The following PPM1E variants were observed in gnomAD, a reference collection of about 807,000 sequenced individuals.
PPM1E encodes the protein protein phosphatase 1E.
A neutral mutation model predicts 65.9 loss-of-function variants in PPM1E; 20 were observed. That is an observed-to-expected ratio of 0.30 (90% confidence interval 0.21 to 0.44). PPM1E has a LOEUF of 0.44. Ranked by LOEUF, PPM1E falls within the 20% of genes least tolerant of loss-of-function variation. PPM1E has a pLI of 1.00. For synonymous variants in PPM1E, 352 were observed against 374.9 expected, an observed-to-expected ratio of 0.94 and a Z score of 0.70; for missense variants, 713 against 953.1, an observed-to-expected ratio of 0.75 and a Z score of 3.32.
At chr17:58,914,368 G>C (rs1157880004) in intron 1 of PPM1E, among the ~76,000 whole-genome samples, 1 of 152,020 alleles carries the variant, frequency 6.6e-6, no homozygotes, top group Admixed American at 6.6e-5. Context: ...ATTGCATCAC[G>C]TTTATTTATT....
chr17:58,774,169 C>G (rs796802426), intron 1 of PPM1E, among the ~76,000 whole-genome samples: 14 of 151,038 alleles, frequency 9.3e-5, no homozygotes, highest in South Asian at 2.1e-4. Context: ...TCCCCCCCCC[C>G]CAAAAAAAAC....
intron 1 of PPM1E, among the ~76,000 whole-genome samples, chr17:58,791,181 C>G (rs572456734): frequency 6.6e-6 from 1 of 152,244 alleles, no homozygotes; most frequent in East Asian, 1.9e-4. Flanking sequence ...TGTGAGCCAC[C>G]GTGCCTGGCC....
At chr17:58,843,628 A>C (rs2050742890) in intron 1 of PPM1E, among the ~76,000 whole-genome samples, 1 of 152,122 alleles carries the variant, frequency 6.6e-6, no homozygotes, top group East Asian at 1.9e-4. Flanking sequence ...AATTTGAGAC[A>C]AGCCTGGGCA....
intron 1 of PPM1E, among the ~76,000 whole-genome samples, chr17:58,773,847 G>A (rs1464256955): frequency 6.6e-6 from 1 of 152,070 alleles, no homozygotes. Flanking sequence ...ATGGGTTCCG[G>A]GAATCTGTTT....
intron 1 of PPM1E, among the ~76,000 whole-genome samples, chr17:58,941,898 G>A (rs1296040570): frequency 6.6e-6 from 1 of 151,332 alleles, no homozygotes; most frequent in Non-Finnish European, 1.5e-5. Context: ...CCAGCTACTC[G>A]GGGGAGTGAG....
intron 2 of PPM1E, among the ~76,000 whole-genome samples, chr17:58,963,255 C>T (rs1447536353): frequency 6.6e-5 from 10 of 150,960 alleles, no homozygotes; most frequent in Non-Finnish European, 1.3e-4. Flanking sequence ...AGTGTGGTGG[C>T]GGGTGCCTGT....
chr17:58,794,504 A>T (rs1052541829), intron 1 of PPM1E, among the ~76,000 whole-genome samples: 1 of 152,278 alleles, frequency 6.6e-6, no homozygotes, highest in Middle Eastern at 3.4e-3. Context: ...AGATTATTTC[A>T]TCACTCAGGT....
At chr17:58,772,974 C>T (rs1253339918) in intron 1 of PPM1E, among the ~76,000 whole-genome samples, 1 of 146,786 alleles carries the variant, frequency 6.8e-6, no homozygotes, top group Non-Finnish European at 1.5e-5. Flanking sequence ...CTTTCTCTCT[C>T]TTTTTTTTTT....
rs935848969 is a variant in PPM1E, at chr17:58,982,990, TA to T, written c.*1969del. On this transcript the variant is annotated 3_prime_UTR_variant, in exon 7 of 7. Transcript: ENST00000308249. ...TTATAGTCCAAAGTGCTTAGCGAAG[TA>T]AAAAAAAAAGCTTTTTAAAATTTCT... The T allele has an allele frequency of 0.01, 12,515 of 1,211,050 alleles. No homozygotes were observed. The highest frequency in any genetic ancestry group is 0.016 in the South Asian group (982 of 62,744). 75.0% of individuals were successfully genotyped at this position (1,211,050 alleles called of 1,614,324 possible). A position where few individuals can be genotyped will look rare whatever the true frequency, so the allele number is the denominator to read the frequency against.
chr17:58,914,694 A>T (rs564690188), intron 1 of PPM1E, among the ~76,000 whole-genome samples: 1 of 152,294 alleles, frequency 6.6e-6, no homozygotes, highest in East Asian at 1.9e-4. Context: ...ACCACCAGTG[A>T]TATTATGTTG....
intron 6 of PPM1E, among the ~76,000 whole-genome samples, chr17:58,979,725 T>G (rs1400845177): frequency 6.6e-6 from 1 of 152,220 alleles, no homozygotes; most frequent in Non-Finnish European, 1.5e-5. Context: ...AGGTGCAGAT[T>G]CAGAGTCTAA....
intron 1 of PPM1E, among the ~76,000 whole-genome samples, chr17:58,789,698 G>A (rs1255475778): frequency 6.6e-6 from 1 of 150,680 alleles, no homozygotes; most frequent in Non-Finnish European, 1.5e-5. Context: ...ACTCTCCGAT[G>A]TGATCCTTTG....
chr17:58,884,386 G>C (rs1226383951), intron 1 of PPM1E, among the ~76,000 whole-genome samples: 2 of 151,988 alleles, frequency 1.3e-5, no homozygotes, highest in Non-Finnish European at 2.9e-5. Context: ...TGCCAGTTTA[G>C]GACTTGGCTC....
chr17:58,924,555 G>GTTCCTT (rs2051799401), intron 1 of PPM1E, among the ~76,000 whole-genome samples: 2 of 152,004 alleles, frequency 1.3e-5, no homozygotes, highest in Non-Finnish European at 2.9e-5. Flanking sequence ...AATAGCATGA[G>GTTCCTT]TTTCTTTTTC....
intron 1 of PPM1E, among the ~76,000 whole-genome samples, chr17:58,873,273 A>G (rs1598621860): frequency 6.6e-6 from 1 of 152,266 alleles, no homozygotes; most frequent in Non-Finnish European, 1.5e-5. Context: ...CAAATATTTT[A>G]TTGCACTATT....
chr17:58,941,437 G>A (rs2052064639), intron 1 of PPM1E, among the ~76,000 whole-genome samples: 2 of 152,068 alleles, frequency 1.3e-5, no homozygotes, highest in South Asian at 2.1e-4. Context: ...GCTCACGCCT[G>A]TAATCCCAGC....
intron 1 of PPM1E, among the ~76,000 whole-genome samples, chr17:58,937,415 C>A (rs989399779): frequency 1.3e-4 from 19 of 150,240 alleles, no homozygotes; most frequent in African/African-American, 4.1e-4. Flanking sequence ...AGGTGCCCGC[C>A]ACCACGCCCA....
At chr17:58,764,320 ATATC>A (rs1311035236) in intron 1 of PPM1E, among the ~76,000 whole-genome samples, 1 of 152,326 alleles carries the variant, frequency 6.6e-6, no homozygotes, top group East Asian at 1.9e-4. Context: ...TCTGTAACAC[ATATC>A]TAACCATTTT....
chr17:58,895,523 C>T (rs925423256), intron 1 of PPM1E, among the ~76,000 whole-genome samples: 5 of 152,018 alleles, frequency 3.3e-5, no homozygotes, highest in African/African-American at 1.2e-4. Flanking sequence ...GAAAGTGAAA[C>T]AGGCCCTGTG....
Sources: allele counts gnomAD v4.1 joint callset (sites outside exome capture counted in the v4.1 genomes callset), GRCh38; gene constraint gnomAD v4.1.1; transcripts MANE v1.5; gene names NCBI Gene and HGNC (gene_info 2026-07-23, HGNC 2026-07-21).